Variants in LMBR1 observed in about 807,000 individuals in gnomAD.
LMBR1 encodes limb development membrane protein 1.
LMBR1 carries 52 observed loss-of-function variants against 73.9 expected under a neutral mutation model. The ratio of observed to expected loss-of-function variants is 0.70; its 90% confidence interval spans 0.56 to 0.89. The LOEUF is 0.89. Ranked by LOEUF, LMBR1 falls within the 40% of genes least tolerant of loss-of-function variation. LMBR1 has a pLI of 0.00. For synonymous variants in LMBR1, 215 were observed against 209.4 expected, an observed-to-expected ratio of 1.03 and a Z score of -0.23; for missense variants, 539 against 579.8, an observed-to-expected ratio of 0.93 and a Z score of 0.72.
At chr7:156,760,718 G>A (rs1052621870) in intron 8 of LMBR1, among the ~76,000 whole-genome samples, 4 of 152,006 alleles carry the variant, frequency 2.6e-5, no homozygotes, top group Admixed American at 6.6e-5. Flanking sequence ...ATGTATTTAC[G>A]CATTTTTTAA....
intron 4 of LMBR1, among the ~76,000 whole-genome samples, chr7:156,808,445 C>G (rs1217891269): frequency 6.6e-6 from 1 of 152,128 alleles, no homozygotes; most frequent in Non-Finnish European, 1.5e-5. Flanking sequence ...TCTTTTTTCT[C>G]CTACTGCCAT....
downstream of LMBR1, chr7:156,676,628 C>A: frequency 6.2e-7 from 1 of 1,613,910 alleles, no homozygotes; most frequent in Middle Eastern, 1.6e-4. Context: ...GCCGCTCCTG[C>A]TACCAGAAGA....
At chr7:156,845,059 G>A (rs1227129124) in intron 1 of LMBR1, among the ~76,000 whole-genome samples, 4 of 152,106 alleles carry the variant, frequency 2.6e-5, no homozygotes, top group African/African-American at 9.7e-5. Flanking sequence ...AAAGAGTGAT[G>A]AGTACAAAGT....
intron 5 of LMBR1, among the ~76,000 whole-genome samples, chr7:156,787,059 G>A (rs1176849698): frequency 6.6e-6 from 1 of 152,118 alleles, no homozygotes; most frequent in Non-Finnish European, 1.5e-5. Flanking sequence ...GAGCTCGCAG[G>A]GGAGACTTTC....
downstream of LMBR1, chr7:156,675,874 C>T (rs1387805475): frequency 1.2e-6 from 2 of 1,608,538 alleles, no homozygotes; most frequent in Non-Finnish European, 1.7e-6. Flanking sequence ...GTAGGTTTGG[C>T]TGGCAGCCTG....
chr7:156,871,642 T>C (rs966092244), intron 1 of LMBR1, among the ~76,000 whole-genome samples: 19 of 152,104 alleles, frequency 1.2e-4, no homozygotes, highest in Non-Finnish European at 5.9e-5. Flanking sequence ...GTTCAATATA[T>C]GAAAATCAGT....
chr7:156,888,302 C>A (rs1038770034), intron 1 of LMBR1, among the ~76,000 whole-genome samples: 3 of 149,776 alleles, frequency 2.0e-5, no homozygotes, highest in Non-Finnish European at 4.4e-5. Flanking sequence ...CCCAGCTACT[C>A]GGGAGGCTGA....
chr7:156,815,925 T>C (rs985715937), intron 4 of LMBR1, among the ~76,000 whole-genome samples: 2 of 151,918 alleles, frequency 1.3e-5, no homozygotes, highest in Admixed American at 1.3e-4. Flanking sequence ...ATTAAAAAGA[T>C]AAATTCTGGA....
intron 15 of LMBR1, among the ~76,000 whole-genome samples, chr7:156,709,151 C>G (rs148710963): frequency 6.6e-6 from 1 of 152,122 alleles, no homozygotes; most frequent in East Asian, 1.9e-4. Context: ...CCTGAGAAAC[C>G]AGAATACTTA....
At chr7:156,858,553 A>G (rs1797294044) in intron 1 of LMBR1, among the ~76,000 whole-genome samples, 1 of 152,232 alleles carries the variant, frequency 6.6e-6, no homozygotes, top group African/African-American at 2.4e-5. Context: ...GCTTTCTAAC[A>G]CACTATATGA....
intron 10 of LMBR1, among the ~76,000 whole-genome samples, chr7:156,729,075 C>T (rs1816337920): frequency 2.0e-5 from 3 of 152,038 alleles, no homozygotes; most frequent in Admixed American, 2.0e-4. Flanking sequence ...AACTCCTGGG[C>T]TCAAACGATC....
intron 15 of LMBR1, among the ~76,000 whole-genome samples, chr7:156,714,135 C>A (rs75455080): frequency 0.026 from 3,995 of 152,226 alleles, 176 homozygotes; most frequent in African/African-American, 0.092. Flanking sequence ...AGTGTGTAAA[C>A]CTCCCACCGC....
chr7:156,729,618 C>T (rs1816462387), intron 10 of LMBR1, among the ~76,000 whole-genome samples: 2 of 152,016 alleles, frequency 1.3e-5, no homozygotes, highest in South Asian at 4.2e-4. Flanking sequence ...GGACTACAGG[C>T]ACATGCCACC....
chr7:156,787,380 T>C (rs1246874961), intron 5 of LMBR1, among the ~76,000 whole-genome samples: 2 of 152,224 alleles, frequency 1.3e-5, no homozygotes, highest in African/African-American at 4.8e-5. Flanking sequence ...ATGTACTTAA[T>C]AATACAGGCT....
chr7:156,799,609 T>C (rs746540166), intron 4 of LMBR1, among the ~76,000 whole-genome samples: 2 of 152,136 alleles, frequency 1.3e-5, no homozygotes, highest in Non-Finnish European at 2.9e-5. Context: ...CACAACGATA[T>C]TGAAAGTAGG....
At chr7:156,809,071 C>T (rs1300078574) in intron 4 of LMBR1, among the ~76,000 whole-genome samples, 1 of 152,138 alleles carries the variant, frequency 6.6e-6, no homozygotes, top group Non-Finnish European at 1.5e-5. Flanking sequence ...AGCTTCTCTA[C>T]ATATAAACTG....
At position 156,853,970 on chromosome 7, in the gene LMBR1, TA is replaced by T. The variant is rs202144239; in HGVS notation, c.67-17086del. Among the ~76,000 whole-genome samples the T allele has an allele frequency of 2.7e-3, 358 of 134,956 alleles. 1 individual carries two copies. Among genetic ancestry groups the T allele is most frequent in the African/African-American group, 6.5e-3 (237 of 36,656 alleles). 88.5% of individuals were successfully genotyped at this position (134,956 alleles called of 152,430 possible). A position where few individuals can be genotyped will look rare whatever the true frequency, so the allele number is the denominator to read the frequency against. ...GTGCCTGGCCCACATAGAATAAAAT[TA>T]AAAAAAAAAAAAAAACCACCTATAT... On this transcript the variant is annotated intron_variant, in intron 1 of 16. Transcript: ENST00000353442.
chr7:156,739,475 A>G (rs1167165313), intron 9 of LMBR1, among the ~76,000 whole-genome samples: 1 of 152,310 alleles, frequency 6.6e-6, no homozygotes, highest in Admixed American at 6.5e-5. Context: ...CAGTGTTTAC[A>G]GTGGGCTTTG....
intron 5 of LMBR1, among the ~76,000 whole-genome samples, chr7:156,787,787 A>C (rs368244918): frequency 6.6e-6 from 1 of 151,534 alleles, no homozygotes; most frequent in African/African-American, 2.4e-5. Flanking sequence ...TTTTTCTTTT[A>C]TTTTTTAGAG....
Sources: gnomAD v4.1 joint callset for allele counts (sites outside exome capture counted in the v4.1 genomes callset) on GRCh38, gnomAD v4.1.1 for gene constraint, MANE v1.5 for transcripts, NCBI Gene and HGNC (gene_info 2026-07-23, HGNC 2026-07-21) for gene names.